Variants in CACNA1C observed in about 807,000 individuals in gnomAD.
CACNA1C encodes voltage-dependent L-type calcium channel subunit alpha-1C.
In CACNA1C, 30 loss-of-function variants were observed where a neutral mutation model predicts 229.0. The ratio of observed to expected loss-of-function variants is 0.13; its 90% CI spans 0.10 to 0.18. The LOEUF (loss-of-function observed/expected upper bound fraction) is 0.18, where lower values mean the gene tolerates loss of function less well. CACNA1C is among the 10% of genes least tolerant of loss of function. CACNA1C has a pLI of 1.00. For synonymous variants in CACNA1C, 1,114 were observed against 1,132.5 expected, an observed-to-expected ratio of 0.98 and a Z score of 0.33; for missense variants, 1,658 against 2,845.0, an observed-to-expected ratio of 0.58 and a Z score of 9.49.
intron 3 of CACNA1C, among the ~76,000 whole-genome samples, chr12:2,286,856 C>G (rs2092757279): frequency 6.6e-6 from 1 of 152,234 alleles, no homozygotes; most frequent in African/African-American, 2.4e-5. Flanking sequence ...TTCACTGTCC[C>G]AAAAGAATGT....
At chr12:2,549,734 A>G (rs1192801735) in intron 9 of CACNA1C, among the ~76,000 whole-genome samples, 2 of 152,192 alleles carry the variant, frequency 1.3e-5, no homozygotes, top group Non-Finnish European at 2.9e-5. Flanking sequence ...CCATTAGTTT[A>G]CAGTGTTCTT....
chr12:2,196,726 C>G (rs1455688227), intron 3 of CACNA1C, among the ~76,000 whole-genome samples: 1 of 152,212 alleles, frequency 6.6e-6, no homozygotes, highest in Admixed American at 6.5e-5. Flanking sequence ...CTTTATGCAT[C>G]TTTACTCTGC....
At chr12:2,640,142 T>G (rs2093488294) in intron 30 of CACNA1C, among the ~76,000 whole-genome samples, 2 of 152,324 alleles carry the variant, frequency 1.3e-5, no homozygotes, top group Admixed American at 6.5e-5. Flanking sequence ...GAAACCCGTG[T>G]GCTTACTCTC....
Position 2,067,257 on chromosome 12 carries a change from C to T in CACNA1C, c.49+13646C>T, listed in dbSNP as rs1226558567. ...TAGTGGGAGTCAGGGAGTCTGAATC[C>T]CCCAGCCTGCCTCCATCCCAGGTGG... is the stretch of plus-strand genomic sequence containing the variant. On this transcript the variant is annotated intron_variant, in intron 1 of 46. Transcript: ENST00000399655. This position sits in a 1 kb window ranked among gnomAD's most constrained non-coding sequence, Gnocchi z 5.3. 2.0e-5 allele frequency among the ~76,000 whole-genome samples: 3 copies of T among 151,986 alleles called. No homozygotes were observed. The highest frequency in any genetic ancestry group is 6.6e-5 in the Admixed American group (1 of 15,264).
At chr12:2,125,310 C>A (rs555580399) in intron 3 of CACNA1C, among the ~76,000 whole-genome samples, 1 of 152,022 alleles carries the variant, frequency 6.6e-6, no homozygotes, top group Non-Finnish European at 1.5e-5. Flanking sequence ...GCCAAAAGTA[C>A]GAGAAGAGGA....
intron 10 of CACNA1C, among the ~76,000 whole-genome samples, chr12:2,551,577 G>A (rs2099903435): frequency 6.6e-6 from 1 of 152,168 alleles, no homozygotes; most frequent in Non-Finnish European, 1.5e-5. Context: ...AAGACTGCCA[G>A]CATTCCTGGC....
chr12:2,092,846 T>C (rs2071872510), intron 1 of CACNA1C, among the ~76,000 whole-genome samples: 5 of 152,230 alleles, frequency 3.3e-5, no homozygotes, highest in Admixed American at 3.3e-4. Flanking sequence ...GAGACTCAAA[T>C]GGAAATGAGT....
At chr12:2,170,236 G>C (rs1023483268) in intron 3 of CACNA1C, among the ~76,000 whole-genome samples, 1 of 152,188 alleles carries the variant, frequency 6.6e-6, no homozygotes, top group Non-Finnish European at 1.5e-5. Flanking sequence ...TGGAACTTTT[G>C]CCATCTTATT....
At chr12:2,276,943 C>G (rs1459203946) in intron 3 of CACNA1C, among the ~76,000 whole-genome samples, 1 of 152,032 alleles carries the variant, frequency 6.6e-6, no homozygotes, top group African/African-American at 2.4e-5. Context: ...TCTAGCTACT[C>G]CATAAAACTA....
chr12:2,424,364 G>T (rs1186558854), intron 3 of CACNA1C, among the ~76,000 whole-genome samples: 3 of 152,198 alleles, frequency 2.0e-5, no homozygotes, highest in Non-Finnish European at 4.4e-5. Context: ...AAGGGGGAGG[G>T]AGGGAAAACG....
chr12:1,994,935 A>C (rs535298679), intron 1 of CACNA1C, among the ~76,000 whole-genome samples: 1 of 126,074 alleles, frequency 7.9e-6, no homozygotes, highest in African/African-American at 3.0e-5. Flanking sequence ...TGAGTTTTAC[A>C]TGCTTTTTGT....
chr12:2,294,579 G>A (rs974970756), intron 3 of CACNA1C, among the ~76,000 whole-genome samples: 3 of 152,042 alleles, frequency 2.0e-5, no homozygotes, highest in Non-Finnish European at 4.4e-5. Flanking sequence ...TGTGCGTGCT[G>A]TCGGGATACA....
chr12:2,524,452 T>A (rs367776357), intron 9 of CACNA1C, among the ~76,000 whole-genome samples: 26 of 152,314 alleles, frequency 1.7e-4, no homozygotes, highest in South Asian at 6.2e-4. Context: ...TGGGAGGGAC[T>A]GCCTGCCCCA....
At chr12:2,606,893 C>T in intron 25 of CACNA1C, 91 bp from the exon 26 acceptor site, 1 of 1,450,804 alleles carries the variant, frequency 6.9e-7, no homozygotes, top group South Asian at 1.2e-5. Flanking sequence ...GCCAGGCAGT[C>T]CCATCCCACC....
chr12:2,238,393 A>G (rs1285462845), intron 3 of CACNA1C, among the ~76,000 whole-genome samples: 4 of 152,198 alleles, frequency 2.6e-5, no homozygotes, highest in African/African-American at 7.2e-5. Flanking sequence ...CTTGCCTTCA[A>G]TGTGATTTCT....
At chr12:2,153,128 T>C (rs147527293) in intron 3 of CACNA1C, among the ~76,000 whole-genome samples, 236 of 152,300 alleles carry the variant, frequency 1.5e-3, no homozygotes, top group Middle Eastern at 3.4e-3. Flanking sequence ...TAATGACCCT[T>C]GAGCGAATGG....
At chr12:2,439,300 G>A (rs1198261872) in intron 3 of CACNA1C, among the ~76,000 whole-genome samples, 1 of 152,190 alleles carries the variant, frequency 6.6e-6, no homozygotes, top group African/African-American at 2.4e-5. Context: ...CATGCCCTCT[G>A]TACTGTTCAA....
intron 3 of CACNA1C, among the ~76,000 whole-genome samples, chr12:2,240,540 C>T (rs1206093169): frequency 6.6e-6 from 1 of 152,138 alleles, no homozygotes; most frequent in Non-Finnish European, 1.5e-5. Flanking sequence ...ATGGTGACAG[C>T]GGCCTGAGCC....
chr12:2,201,382 A>G (rs766846093), intron 3 of CACNA1C, among the ~76,000 whole-genome samples: 26 of 152,182 alleles, frequency 1.7e-4, no homozygotes, highest in Non-Finnish European at 3.1e-4. Flanking sequence ...ATTCAATACC[A>G]TTGTGCTACA....
Sources: gnomAD v4.1 joint callset for allele counts (sites outside exome capture counted in the v4.1 genomes callset) on GRCh38, gnomAD v4.1.1 for gene constraint, Gnocchi (gnomAD v3.1) non-coding constraint, MANE v1.5 for transcripts, NCBI Gene and HGNC (gene_info 2026-07-23, HGNC 2026-07-21) for gene names.